ESRRG: variants seen among roughly 807,000 people sequenced by gnomAD.
ESRRG encodes the protein estrogen-related receptor gamma.
A neutral mutation model predicts 44.0 loss-of-function variants in ESRRG; 13 were observed. That is an observed-to-expected ratio of 0.30 (90% CI 0.19 to 0.47). The LOEUF (loss-of-function observed/expected upper bound fraction) is 0.47. ESRRG is among the 20% of genes least tolerant of loss of function. ESRRG has a pLI of 1.00. For synonymous variants in ESRRG, 215 were observed against 214.6 expected (o/e 1.00, Z -0.02); for missense variants, 395 against 580.6 (o/e 0.68, Z 3.29).
intron 2 of ESRRG, among the ~76,000 whole-genome samples, chr1:216,918,685 T>C (rs932948660): frequency 6.6e-6 from 1 of 151,952 alleles, no homozygotes; most frequent in Admixed American, 6.6e-5. Flanking sequence ...GATAAACTGA[T>C]TGTGCTTTGA....
intron 2 of ESRRG, among the ~76,000 whole-genome samples, chr1:216,834,663 A>C (rs17044101): frequency 0.16 from 24,509 of 152,204 alleles, 2,187 homozygotes; most frequent in African/African-American, 0.21. Flanking sequence ...GAAAATTAAA[A>C]GACAGGTCAA....
intron 3 of ESRRG, among the ~76,000 whole-genome samples, chr1:216,573,138 C>T (rs1167232837): frequency 3.3e-5 from 5 of 151,918 alleles, no homozygotes. Context: ...CATTAAATCC[C>T]TATGAGCTTG....
chr1:216,508,451 G>A (rs1553272727), intron 6 of ESRRG, among the ~76,000 whole-genome samples: 1 of 152,124 alleles, frequency 6.6e-6, no homozygotes, highest in Non-Finnish European at 1.5e-5. Flanking sequence ...AGTATTTACT[G>A]CTCAAGACTC....
At chr1:217,075,596 C>CCCG (rs1553275076) in intron 1 of ESRRG, among the ~76,000 whole-genome samples, 2 of 146,620 alleles carry the variant, frequency 1.4e-5, no homozygotes, top group South Asian at 2.3e-4. Flanking sequence ...CTTTCCCCCC[C>CCCG]CCAACATTAA....
At chr1:216,958,438 G>A (rs912188621) in intron 1 of ESRRG, among the ~76,000 whole-genome samples, 10 of 152,098 alleles carry the variant, frequency 6.6e-5, no homozygotes, top group Admixed American at 1.3e-4. Flanking sequence ...TTGTCAGTGG[G>A]TTCGTGTTGA....
At chr1:217,030,163 T>TTCTCTTTGTCTC (rs1304479049) in intron 1 of ESRRG, among the ~76,000 whole-genome samples, 1 of 152,060 alleles carries the variant, frequency 6.6e-6, no homozygotes, top group Non-Finnish European at 1.5e-5. Flanking sequence ...CTCTTTTTCT[T>TTCTCTTTGTCTC]TCTCTTTGTC....
chr1:216,563,638 C>A lies in ESRRG; in HGVS notation c.862+581G>T, dbSNP rs564056802. On this transcript the variant is annotated intron_variant, in intron 5 of 6. Coordinates refer to ENST00000408911, the MANE Select transcript of ESRRG (RefSeq NM_001438.4). ...TATTTGTTCATATTACAGGATGGGT[C>A]AAGAAAAAAAGAAGAGAAATATTTT... 9.9e-5 allele frequency among the ~76,000 whole-genome samples: 15 copies of A among 151,670 alleles called. No homozygotes were observed. In the South Asian group the frequency reaches 2.9e-3, roughly 29 times the overall value.
In ESRRG at chr1:216,894,152, C is replaced by T. The variant is rs78985386; in HGVS notation, c.-14+45430G>A. 4.8e-3 allele frequency among the ~76,000 whole-genome samples: 723 copies of T among 152,090 alleles called. 43 individuals carry two copies. The East Asian group carries it at 0.12, about 26-fold the overall frequency. On this transcript the variant is annotated intron_variant, in intron 2 of 7. Coordinates refer to the ESRRG transcript ENST00000359162. Reference sequence around the variant, plus strand: ...CGGTTTGCCAAATTGAGTATTCTGCCCCGATTATAACCTATGTTCTGCTTG... The same window carrying T: ...CGGTTTGCCAAATTGAGTATTCTGCTCCGATTATAACCTATGTTCTGCTTG...
At chr1:216,746,978 T>TTTCCTTC (rs1186532770) in intron 2 of ESRRG, among the ~76,000 whole-genome samples, 9 of 152,200 alleles carry the variant, frequency 5.9e-5, no homozygotes, top group Non-Finnish European at 1.3e-4. Context: ...TATCAGTAAT[T>TTTCCTTC]ATCAGTATGA....
intron 5 of ESRRG, among the ~76,000 whole-genome samples, chr1:216,561,574 T>C (rs1030072266): frequency 4.6e-5 from 7 of 152,124 alleles, no homozygotes; most frequent in African/African-American, 1.7e-4. Context: ...CTTCCCTGTC[T>C]CTCAGTCCAT....
At chr1:216,595,720 T>A (rs889682122) in intron 3 of ESRRG, among the ~76,000 whole-genome samples, 1 of 152,194 alleles carries the variant, frequency 6.6e-6, no homozygotes, top group Non-Finnish European at 1.5e-5. Flanking sequence ...CCTCTCAACT[T>A]CTGATTCTTT....
intron 2 of ESRRG, among the ~76,000 whole-genome samples, chr1:216,741,736 C>T (rs1462767978): frequency 1.3e-5 from 2 of 152,146 alleles, no homozygotes; most frequent in African/African-American, 4.8e-5. Flanking sequence ...CAATTGCTGT[C>T]TAAGCTTTGA....
At chr1:216,803,628 G>C (rs2148343547) in intron 2 of ESRRG, among the ~76,000 whole-genome samples, 1 of 152,186 alleles carries the variant, frequency 6.6e-6, no homozygotes, top group African/African-American at 2.4e-5. Context: ...TGGGGGTTTT[G>C]GTGGTGTATT....
chr1:216,677,566 C>T, intron 1 of ESRRG, 75 bp from the exon 2 acceptor site: 2 of 1,230,052 alleles, frequency 1.6e-6, no homozygotes, highest in Non-Finnish European at 2.2e-6. Context: ...GAGGTAGAAA[C>T]AAAAGAGATG....
Position 216,530,193 on chromosome 1 carries a change from A to G in ESRRG, c.863-10772T>C, listed in dbSNP as rs550007415. Among the ~76,000 whole-genome samples the G allele has an allele frequency of 8.5e-5, 13 of 152,092 alleles. No homozygotes were observed. In the East Asian group the frequency reaches 2.1e-3, roughly 25 times the overall value. ...GCTTCATTTCTGTTATTTGTAATCC[A>G]ACATTAGAGTCTAATATTGTAAGAA... On this transcript the variant is annotated intron_variant, in intron 5 of 6. Coordinates refer to ENST00000408911, the MANE Select transcript of ESRRG (RefSeq NM_001438.4).
intron 1 of ESRRG, among the ~76,000 whole-genome samples, chr1:217,036,289 G>A (rs891524875): frequency 2.0e-5 from 3 of 152,152 alleles, no homozygotes; most frequent in African/African-American, 7.2e-5. Flanking sequence ...AATACTATTT[G>A]ACCCAGCAAT....
At chr1:216,522,575 C>A (rs1485949620) in intron 5 of ESRRG, among the ~76,000 whole-genome samples, 1 of 151,988 alleles carries the variant, frequency 6.6e-6, no homozygotes, top group Non-Finnish European at 1.5e-5. Flanking sequence ...GTTAAGACAG[C>A]CTTGTTATAA....
At chr1:216,815,049 A>G (rs1284608510) in intron 2 of ESRRG, among the ~76,000 whole-genome samples, 1 of 152,188 alleles carries the variant, frequency 6.6e-6, no homozygotes, top group African/African-American at 2.4e-5. Flanking sequence ...GGCTTGACGC[A>G]GGGAAGAAGC....
At chr1:216,577,956 T>C (rs1381334238) in intron 3 of ESRRG, among the ~76,000 whole-genome samples, 3 of 151,968 alleles carry the variant, frequency 2.0e-5, no homozygotes, top group Non-Finnish European at 4.4e-5. Context: ...GTGTTAGCAA[T>C]TCACTGAAGA....
Sources: allele counts gnomAD v4.1 joint callset (sites outside exome capture counted in the v4.1 genomes callset), GRCh38; gene constraint gnomAD v4.1.1; transcripts MANE v1.5; gene names NCBI Gene and HGNC (gene_info 2026-07-23, HGNC 2026-07-21).